The following FHIT variants were observed in gnomAD, a reference collection of about 807,000 sequenced individuals.
The protein encoded by FHIT is bis(5'-adenosyl)-triphosphatase.
Under a neutral mutation model 17.9 loss-of-function variants are expected in FHIT, and 19 were observed. That is an observed-to-expected ratio of 1.06 (90% CI 0.74 to 1.56). The LOEUF (loss-of-function observed/expected upper bound fraction) is 1.56. FHIT is among the 40% of genes most tolerant of loss of function. The pLI, the probability that FHIT is intolerant of heterozygous loss-of-function variation, is 0.00. For missense variants in FHIT, 248 were observed against 189.2 expected (o/e 1.31, Z -1.82); for synonymous variants, 81 against 69.7 (o/e 1.16, Z -0.81).
At chr3:60,957,870 G>A (rs1323744254) in intron 3 of FHIT, among the ~76,000 whole-genome samples, 1 of 152,158 alleles carries the variant, frequency 6.6e-6, no homozygotes, top group African/African-American at 2.4e-5. Flanking sequence ...CTTCTGGAAA[G>A]CACAGATACT....
At chr3:60,240,582 T>G (rs1430537931) in intron 5 of FHIT, among the ~76,000 whole-genome samples, 2 of 152,182 alleles carry the variant, frequency 1.3e-5, no homozygotes, top group African/African-American at 4.8e-5. Context: ...GCACTTTGCC[T>G]TGGTCCAAAT....
chr3:60,848,803 G>A (rs957801953), intron 3 of FHIT, among the ~76,000 whole-genome samples: 3 of 151,976 alleles, frequency 2.0e-5, no homozygotes, highest in Admixed American at 2.0e-4. Flanking sequence ...TTAAAATTTT[G>A]TATATAATGG....
At chr3:61,010,362 T>A (rs2031722087) in intron 3 of FHIT, among the ~76,000 whole-genome samples, 1 of 152,224 alleles carries the variant, frequency 6.6e-6, no homozygotes, top group Non-Finnish European at 1.5e-5. Flanking sequence ...CTACTGATAA[T>A]CATAATGGCT....
At chr3:59,925,376 G>T (rs1017433478) in intron 7 of FHIT, among the ~76,000 whole-genome samples, 2 of 152,182 alleles carry the variant, frequency 1.3e-5, no homozygotes, top group Admixed American at 6.5e-5. Flanking sequence ...AAGTAGCTGA[G>T]ATTATAGGTG....
chr3:60,546,256 A>G (rs1299849321), intron 4 of FHIT, among the ~76,000 whole-genome samples: 3 of 151,962 alleles, frequency 2.0e-5, no homozygotes, highest in African/African-American at 7.3e-5. Flanking sequence ...TCTCCTGTCT[A>G]CCTTCCACGG....
chr3:60,037,776 T>A (rs947527215), intron 5 of FHIT, among the ~76,000 whole-genome samples: 1 of 150,026 alleles, frequency 6.7e-6, no homozygotes, highest in Non-Finnish European at 1.5e-5. Flanking sequence ...TGCAGTGACA[T>A]GATCTCGGCT....
At chr3:60,389,019 G>A (rs894407646) in intron 5 of FHIT, among the ~76,000 whole-genome samples, 2 of 152,176 alleles carry the variant, frequency 1.3e-5, no homozygotes, top group African/African-American at 2.4e-5. Flanking sequence ...TCGTCTGGCT[G>A]TAAGTTCCTG....
chr3:60,684,210 C>T (rs1206538699), intron 4 of FHIT, among the ~76,000 whole-genome samples: 1 of 152,036 alleles, frequency 6.6e-6, no homozygotes, highest in Non-Finnish European at 1.5e-5. Context: ...CCATTCCTTG[C>T]CACTTTCAGC....
At chr3:59,911,134 TTAA>T (rs1193075054) in intron 8 of FHIT, among the ~76,000 whole-genome samples, 2 of 152,224 alleles carry the variant, frequency 1.3e-5, no homozygotes, top group Non-Finnish European at 2.9e-5. Context: ...TGTTATATCA[TTAA>T]TATTATTCAT....
intron 4 of FHIT, among the ~76,000 whole-genome samples, chr3:60,727,547 G>C (rs915051193): frequency 6.6e-6 from 1 of 152,120 alleles, no homozygotes; most frequent in Non-Finnish European, 1.5e-5. Flanking sequence ...AATGACGCAG[G>C]AGCCCCATTA....
At chr3:60,311,566 T>C (rs1708949302) in intron 5 of FHIT, among the ~76,000 whole-genome samples, 1 of 152,238 alleles carries the variant, frequency 6.6e-6, no homozygotes, top group South Asian at 2.1e-4. Flanking sequence ...CATTATATTT[T>C]AGTTATACAC....
chr3:60,237,319 T>C (rs1344735219), intron 5 of FHIT, among the ~76,000 whole-genome samples: 1 of 145,254 alleles, frequency 6.9e-6, no homozygotes, highest in Admixed American at 7.0e-5. Context: ...CTACATGACC[T>C]AAACCAGTTG....
intron 3 of FHIT, among the ~76,000 whole-genome samples, chr3:60,931,195 C>G (rs559177551): frequency 6.7e-6 from 1 of 148,836 alleles, no homozygotes; most frequent in Non-Finnish European, 1.5e-5. Flanking sequence ...AGGGGAACAT[C>G]AAACACCGGG....
chr3:59,838,566 C>G (rs1454140632), intron 8 of FHIT, among the ~76,000 whole-genome samples: 9 of 152,116 alleles, frequency 5.9e-5, no homozygotes, highest in Non-Finnish European at 1.2e-4. Context: ...TGGCATGGGA[C>G]ACTAGCATCT....
chr3:60,739,208 A>G (rs1005175951), intron 4 of FHIT, among the ~76,000 whole-genome samples: 1 of 152,140 alleles, frequency 6.6e-6, no homozygotes, highest in Admixed American at 6.5e-5. Context: ...GTGTGACCCA[A>G]TTCTTCTAGG....
At chr3:60,415,665 C>T (rs532979287) in intron 5 of FHIT, among the ~76,000 whole-genome samples, 1 of 151,054 alleles carries the variant, frequency 6.6e-6, no homozygotes, top group African/African-American at 2.4e-5. Flanking sequence ...ACATATCTAT[C>T]CAACATCAAG....
chr3:60,516,797 C>T (rs1185411896), intron 5 of FHIT, among the ~76,000 whole-genome samples: 1 of 152,194 alleles, frequency 6.6e-6, no homozygotes, highest in African/African-American at 2.4e-5. Flanking sequence ...CTGAATTGTA[C>T]ATTCTGACAG....
At position 60,855,576 on chromosome 3, in the gene FHIT, A is replaced by G. The variant is rs1245152098; in HGVS notation, c.-110-33565T>C. On this transcript the variant is annotated intron_variant, in intron 3 of 9. Coordinates refer to ENST00000492590, the MANE Select transcript of FHIT (RefSeq NM_002012.4). ...GGGATCCTCTACCTCCTGTTTTCTC[A>G]TAGTAATAAATATCCCTGTGATTTC... 2.0e-5 allele frequency among the ~76,000 whole-genome samples: 3 copies of G among 152,116 alleles called. No homozygotes were observed. The East Asian group carries it at 5.8e-4, about 29-fold the overall frequency.
intron 5 of FHIT, among the ~76,000 whole-genome samples, chr3:60,183,473 T>C (rs73831977): frequency 0.031 from 4,773 of 152,198 alleles, 239 homozygotes; most frequent in African/African-American, 0.11. Context: ...AAGTGTTTTG[T>C]TCAATTTGAA....
Sources: allele counts gnomAD v4.1 joint callset (sites outside exome capture counted in the v4.1 genomes callset), GRCh38; gene constraint gnomAD v4.1.1; transcripts MANE v1.5; gene names NCBI Gene and HGNC (gene_info 2026-07-23, HGNC 2026-07-21).